HK1: variants seen among roughly 807,000 people sequenced by gnomAD.
HK1 encodes the protein hexokinase 1, also known as hexokinase-1.
In HK1, 28 loss-of-function variants were observed where a neutral mutation model predicts 91.6. The observed-to-expected ratio is 0.31, with a 90% CI of 0.23 to 0.42. HK1 has a LOEUF of 0.42. HK1 is among the 10% of genes least tolerant of loss of function. HK1 has a pLI of 1.00. For synonymous variants in HK1, 430 were observed against 468.1 expected, an observed-to-expected ratio of 0.92 and a Z score of 1.05; for missense variants, 770 against 1,219.8, an observed-to-expected ratio of 0.63 and a Z score of 5.49.
chr10:69,352,352 G>A (rs1045387683), intron 2 of HK1, among the ~76,000 whole-genome samples: 6 of 152,058 alleles, frequency 3.9e-5, no homozygotes, highest in Admixed American at 1.3e-4. Flanking sequence ...GACTCCAATG[G>A]GAGCCCAAAG....
intron 1 of HK1, among the ~76,000 whole-genome samples, chr10:69,327,727 G>A (rs990978859): frequency 6.6e-6 from 1 of 152,332 alleles, no homozygotes; most frequent in Middle Eastern, 3.4e-3. Flanking sequence ...ACCAACCCTT[G>A]TTATGGTCAA....
intron 13 of HK1, among the ~76,000 whole-genome samples, chr10:69,387,391 C>T (rs753489393): frequency 4.6e-5 from 7 of 152,100 alleles, no homozygotes; most frequent in Non-Finnish European, 2.9e-5. Context: ...CAGGCTCAAG[C>T]GATCCTCCCG....
At chr10:69,376,324 C>T (rs1013635265) in intron 7 of HK1, among the ~76,000 whole-genome samples, 2 of 152,018 alleles carry the variant, frequency 1.3e-5, no homozygotes, top group Admixed American at 1.3e-4. Flanking sequence ...CGAAACCAGC[C>T]TAGGCAGCAT....
chr10:69,298,575 T>C (rs1295785284), intron 4 of HK1, among the ~76,000 whole-genome samples: 5 of 151,800 alleles, frequency 3.3e-5, no homozygotes, highest in Non-Finnish European at 7.3e-5. Flanking sequence ...TGCAGTGAGC[T>C]ATGATTTGTG....
intron 1 of HK1, among the ~76,000 whole-genome samples, chr10:69,333,184 T>C (rs979662695): frequency 6.6e-6 from 1 of 152,252 alleles, no homozygotes. Flanking sequence ...GCAGTGCCCA[T>C]GGCCGAGGCC....
chr10:69,377,366 C>G (rs945795319), intron 8 of HK1, among the ~76,000 whole-genome samples: 2 of 151,818 alleles, frequency 1.3e-5, no homozygotes, highest in Non-Finnish European at 2.9e-5. Context: ...CCCCATCAGC[C>G]CATCACCCCC....
intron 15 of HK1, among the ~76,000 whole-genome samples, chr10:69,393,680 A>G (rs1012210534): frequency 6.6e-6 from 1 of 152,262 alleles, no homozygotes; most frequent in African/African-American, 2.4e-5. Context: ...TAACTAAAAA[A>G]TGAGTATAGT....
intron 1 of HK1, among the ~76,000 whole-genome samples, chr10:69,275,388 T>A (rs10823329): frequency 0.34 from 50,154 of 148,464 alleles, 8,600 homozygotes; most frequent in Middle Eastern, 0.42. Context: ...AAATAAAATT[T>A]AAAAAAAAAA....
At chr10:69,360,674 G>A (rs1564540567) in intron 3 of HK1, among the ~76,000 whole-genome samples, 1 of 152,188 alleles carries the variant, frequency 6.6e-6, no homozygotes, top group Non-Finnish European at 1.5e-5. Context: ...CCCTGCCCAA[G>A]GGGCTGTGGG....
At position 69,401,633 on chromosome 10, in the gene HK1, C is replaced by A; in HGVS notation, c.*498C>A. ...TAGCTGCTTCCTCCCCTCCTGGCAC[C>A]CACTGTGGCCTGGCATCGCATCGTG... On this transcript the variant is annotated 3_prime_UTR_variant, in exon 18 of 18. Transcript: ENST00000359426. The A allele has an allele frequency of 2.6e-6, 1 of 387,804 alleles. No individual in the cohort carries two copies. The highest frequency in any genetic ancestry group is 5.1e-6 in the Non-Finnish European group (1 of 197,208). The allele number at this position is 387,804 out of a possible 1,614,324, so 24.0% of individuals were successfully genotyped here.
intron 1 of HK1, among the ~76,000 whole-genome samples, chr10:69,332,389 C>CCTTCTTTCTTTCTTTCTTTCTTTCTTTCT (rs1847777405): frequency 6.7e-6 from 1 of 149,398 alleles, no homozygotes; most frequent in Non-Finnish European, 1.5e-5. Flanking sequence ...TTCTTTTTTT[C>CCTTCTTTCTTTCTTTCTTTCTTTCTTTCT]TTTTTTTGAG....
intron 2 of HK1, among the ~76,000 whole-genome samples, chr10:69,352,485 TA>T (rs1209070989): frequency 5.3e-5 from 8 of 152,208 alleles, no homozygotes; most frequent in Non-Finnish European, 1.0e-4. Flanking sequence ...ACAAATAATT[TA>T]AAACCAGTGG....
chr10:69,305,995 A>C (rs904711868), intron 5 of HK1, among the ~76,000 whole-genome samples: 1 of 152,226 alleles, frequency 6.6e-6, no homozygotes, highest in Non-Finnish European at 1.5e-5. Context: ...AAAAAGAGAC[A>C]TAAGCCACAG....
chr10:69,342,162 A>AAAAC (rs33984080), intron 1 of HK1, among the ~76,000 whole-genome samples: 30,263 of 140,882 alleles, frequency 0.21, 3,614 homozygotes, highest in East Asian at 0.55. Context: ...ACCAACCCCA[A>AAAAC]AAACAAACAA....
At chr10:69,375,149 C>A (rs1336137849) in intron 7 of HK1, among the ~76,000 whole-genome samples, 3 of 152,166 alleles carry the variant, frequency 2.0e-5, no homozygotes, top group Admixed American at 6.5e-5. Flanking sequence ...CTAATGTCTC[C>A]CTCCTAGGGT....
At chr10:69,271,772 C>T (rs1224917808) in intron 1 of HK1, among the ~76,000 whole-genome samples, 2 of 152,064 alleles carry the variant, frequency 1.3e-5, no homozygotes, top group East Asian at 1.9e-4. Context: ...CCACTGCACC[C>T]GGCCTGACAA....
At chr10:69,286,509 A>G (rs1203494848) in intron 2 of HK1, among the ~76,000 whole-genome samples, 1 of 152,156 alleles carries the variant, frequency 6.6e-6, no homozygotes, top group East Asian at 1.9e-4. Flanking sequence ...CAAGCAAACA[A>G]ATAATTGCAA....
chr10:69,325,786 C>T (rs1052964741), intron 1 of HK1, among the ~76,000 whole-genome samples: 1 of 151,792 alleles, frequency 6.6e-6, no homozygotes. Context: ...ATCTGCCCGC[C>T]TTGGCCTCCC....
chr10:69,335,633 C>T lies in HK1; in HGVS notation c.64-8194C>T, dbSNP rs1027734130. Reference sequence around the variant, plus strand: ...GGAACCTCCTGGCCACTCATTCTTGCCCAGGGTGTTGGAAGTGATGGTACC... The same window carrying T: ...GGAACCTCCTGGCCACTCATTCTTGTCCAGGGTGTTGGAAGTGATGGTACC... On this transcript the variant is annotated intron_variant, in intron 1 of 17. Transcript: ENST00000359426. Among the ~76,000 whole-genome samples the T allele has an allele frequency of 2.8e-4, 42 of 152,330 alleles. 1 individual carries two copies. Among genetic ancestry groups the T allele is most frequent in the African/African-American group, 9.1e-4 (38 of 41,566 alleles).
Sources: allele counts gnomAD v4.1 joint callset (sites outside exome capture counted in the v4.1 genomes callset), GRCh38; gene constraint gnomAD v4.1.1; transcripts MANE v1.5; gene names NCBI Gene and HGNC (gene_info 2026-07-23, HGNC 2026-07-21).